The following GUCY1A2 variants were observed in gnomAD, a reference collection of about 807,000 sequenced individuals.
The protein encoded by GUCY1A2 is guanylate cyclase 1 soluble subunit alpha 2.
In GUCY1A2, 27 loss-of-function variants were observed where a neutral mutation model predicts 63.5. The observed-to-expected ratio is 0.43, with a 90% CI of 0.31 to 0.59. GUCY1A2 has a LOEUF of 0.59. Among genes scored for constraint, GUCY1A2 ranks in the 20% least tolerant of loss-of-function variants. The pLI is 0.11. For synonymous variants in GUCY1A2, 364 were observed against 343.5 expected, an observed-to-expected ratio of 1.06 and a Z score of -0.66; for missense variants, 768 against 913.3, an observed-to-expected ratio of 0.84 and a Z score of 2.05.
intron 3 of GUCY1A2, among the ~76,000 whole-genome samples, chr11:106,962,934 G>A (rs1333115019): frequency 1.3e-5 from 2 of 151,924 alleles, no homozygotes; most frequent in East Asian, 1.9e-4. Flanking sequence ...ATAGGCAGTG[G>A]TAATAATTTT....
Position 106,849,035 on chromosome 11 carries a change from G to T in GUCY1A2, c.1207-38557C>A, listed in dbSNP as rs1201202372. ...AATGAGCTACTAACTGATGAGCCCT[G>T]TAAGATTGTATAGAGTATCTTTAAT... On this transcript the variant is annotated intron_variant, in intron 4 of 7. Transcript: ENST00000526355. 2.6e-5 allele frequency among the ~76,000 whole-genome samples: 4 copies of T among 151,574 alleles called. No individual in the cohort carries two copies. The East Asian group carries it at 7.7e-4, about 29-fold the overall frequency.
Position 106,680,015 on chromosome 11 carries a change from CAT to C in GUCY1A2, c.*7532_*7533del, listed in dbSNP as rs368355031. 98 of 216,010 alleles carry C rather than the reference CAT, an allele frequency of 4.5e-4. No individual in the cohort carries two copies. Among genetic ancestry groups the C allele is most frequent in the African/African-American group, 2.1e-3 (94 of 44,486 alleles). The allele number at this position is 216,010 out of a possible 1,614,324, so 13.4% of individuals were successfully genotyped here. On this transcript the variant is annotated 3_prime_UTR_variant, in exon 8 of 8. Coordinates refer to ENST00000526355, the MANE Select transcript of GUCY1A2 (RefSeq NM_000855.3). The stretch of plus-strand genomic sequence containing the variant: ...ATGAGTGACCAGTAGTCAAATAAAT[CAT>C]GTGGCTTCCATTAAACCAGAGGTGT...
chr11:106,692,808 T>C (rs1249377234), intron 7 of GUCY1A2, among the ~76,000 whole-genome samples: 1 of 152,114 alleles, frequency 6.6e-6, no homozygotes, highest in Non-Finnish European at 1.5e-5. Flanking sequence ...ATTTTGAGTT[T>C]TGCTGAAAAT....
At chr11:106,883,365 G>T (rs1487534820) in intron 4 of GUCY1A2, among the ~76,000 whole-genome samples, 1 of 151,982 alleles carries the variant, frequency 6.6e-6, no homozygotes, top group Non-Finnish European at 1.5e-5. Flanking sequence ...TGTGTTATTT[G>T]TATCTATGAT....
chr11:106,851,865 A>AT (rs1188813644), intron 4 of GUCY1A2, among the ~76,000 whole-genome samples: 1 of 151,698 alleles, frequency 6.6e-6, no homozygotes, highest in African/African-American at 2.4e-5. Context: ...ATTTTAGGAT[A>AT]TTTTTTCAAA....
chr11:106,951,888 C>G (rs1591340553), intron 3 of GUCY1A2, among the ~76,000 whole-genome samples: 1 of 152,084 alleles, frequency 6.6e-6, no homozygotes, highest in South Asian at 2.1e-4. Context: ...TTTAAGTCTT[C>G]AATCCATCTT....
intron 4 of GUCY1A2, among the ~76,000 whole-genome samples, chr11:106,847,943 A>C (rs1859298610): frequency 6.6e-6 from 1 of 151,702 alleles, no homozygotes; most frequent in Non-Finnish European, 1.5e-5. Flanking sequence ...GTTTCTACAA[A>C]GGACCAGAAA....
At chr11:106,743,281 C>T (rs747249843) in intron 6 of GUCY1A2, among the ~76,000 whole-genome samples, 12 of 152,088 alleles carry the variant, frequency 7.9e-5, no homozygotes, top group Non-Finnish European at 1.2e-4. Flanking sequence ...GGTACCTTCC[C>T]GCTTGAAAAA....
At chr11:106,707,960 T>C (rs903353232) in intron 7 of GUCY1A2, among the ~76,000 whole-genome samples, 14 of 152,098 alleles carry the variant, frequency 9.2e-5, no homozygotes, top group East Asian at 1.9e-4. Flanking sequence ...TTGGAAGATA[T>C]TGGATTTCAG....
At chr11:106,897,650 G>A (rs1944200) in intron 4 of GUCY1A2, among the ~76,000 whole-genome samples, 23,857 of 150,476 alleles carry the variant, frequency 0.16, 2,192 homozygotes, top group South Asian at 0.28. Context: ...ACTGGACATC[G>A]AATTACAAAA....
At chr11:106,709,491 T>TATATATAA (rs1863009599) in intron 6 of GUCY1A2, among the ~76,000 whole-genome samples, 1 of 65,078 alleles carries the variant, frequency 1.5e-5, no homozygotes, top group Non-Finnish European at 2.5e-5. Flanking sequence ...TATATTTATA[T>TATATATAA]ATATATAATA....
chr11:106,852,310 C>A (rs538160135), intron 4 of GUCY1A2, among the ~76,000 whole-genome samples: 49 of 152,122 alleles, frequency 3.2e-4, no homozygotes, highest in African/African-American at 1.1e-3. Flanking sequence ...ATATTTCTTT[C>A]TCTTTCCTGA....
chr11:106,960,408 C>A (rs1165563891), intron 3 of GUCY1A2, among the ~76,000 whole-genome samples: 2 of 152,042 alleles, frequency 1.3e-5, no homozygotes, highest in Admixed American at 1.3e-4. Context: ...TGTTTTTGAT[C>A]CAAGACTCAG....
At chr11:106,930,752 C>T (rs918194911) in intron 4 of GUCY1A2, among the ~76,000 whole-genome samples, 11 of 152,152 alleles carry the variant, frequency 7.2e-5, no homozygotes, top group Non-Finnish European at 1.3e-4. Context: ...TGTTATGTTG[C>T]CATGCCTTTG....
intron 1 of GUCY1A2, among the ~76,000 whole-genome samples, chr11:106,991,029 G>A (rs987797574): frequency 5.9e-5 from 9 of 152,150 alleles, no homozygotes; most frequent in East Asian, 3.9e-4. Context: ...TTGCTCTGTC[G>A]CCCAAGCTGG....
At chr11:106,694,965 G>T (rs1474431947) in intron 7 of GUCY1A2, among the ~76,000 whole-genome samples, 4 of 151,982 alleles carry the variant, frequency 2.6e-5, no homozygotes, top group Non-Finnish European at 4.4e-5. Flanking sequence ...TCATATTTTG[G>T]ATGTTTTAGA....
At chr11:106,839,227 T>C (rs559602595) in intron 4 of GUCY1A2, among the ~76,000 whole-genome samples, 2,889 of 152,102 alleles carry the variant, frequency 0.019, 77 homozygotes, top group African/African-American at 0.065. Flanking sequence ...ATTTGTTAAA[T>C]AGGGAATCCT....
chr11:106,698,138 T>TTTTTTTTTTTA (rs1555020237), intron 7 of GUCY1A2, among the ~76,000 whole-genome samples: 2 of 145,856 alleles, frequency 1.4e-5, no homozygotes, highest in Non-Finnish European at 1.5e-5. Flanking sequence ...TTTTTTTTTT[T>TTTTTTTTTTTA]AGACAGGGTC....
intron 4 of GUCY1A2, among the ~76,000 whole-genome samples, chr11:106,819,959 A>G (rs1372907295): frequency 6.6e-6 from 1 of 152,220 alleles, no homozygotes; most frequent in African/African-American, 2.4e-5. Context: ...CATAGAGATT[A>G]AAATGGTGGT....
Sources: allele counts gnomAD v4.1 joint callset (sites outside exome capture counted in the v4.1 genomes callset), GRCh38; gene constraint gnomAD v4.1.1; transcripts MANE v1.5; gene names NCBI Gene and HGNC (gene_info 2026-07-23, HGNC 2026-07-21).